WASHC2A: variants seen among roughly 807,000 people sequenced by gnomAD.
The protein encoded by WASHC2A is WASH complex subunit 2A.
Under a neutral mutation model 140.3 loss-of-function variants are expected in WASHC2A, and 82 were observed. That is an observed-to-expected ratio of 0.58 (90% confidence interval 0.49 to 0.70). The LOEUF (loss-of-function observed/expected upper bound fraction) is 0.70. Among genes scored for constraint, WASHC2A ranks in the 30% least tolerant of loss-of-function variants. WASHC2A has a pLI of 0.00. For missense variants in WASHC2A, 985 were observed against 1,521.8 expected, an observed-to-expected ratio of 0.65 and a Z score of 5.87; for synonymous variants, 340 against 560.8, an observed-to-expected ratio of 0.61 and a Z score of 5.56.
At chr10:50,103,517 A>G (rs1403915341) in intron 17 of WASHC2A, among the ~76,000 whole-genome samples, 3 of 151,990 alleles carry the variant, frequency 2.0e-5, no homozygotes, top group Non-Finnish European at 4.4e-5. Flanking sequence ...CCGAGATTGC[A>G]CCACTGCACT....
chr10:50,089,782 G>A (rs1373420952), intron 8 of WASHC2A, among the ~76,000 whole-genome samples: 1 of 151,986 alleles, frequency 6.6e-6, no homozygotes, highest in East Asian at 1.9e-4. Context: ...CTATGCTGAT[G>A]ATGTTTATAT....
intron 16 of WASHC2A, among the ~76,000 whole-genome samples, chr10:50,098,433 A>T (rs1267076399): frequency 7.2e-6 from 1 of 139,340 alleles, no homozygotes; most frequent in South Asian, 2.5e-4. Context: ...TCACATGCAC[A>T]GTTCACAATA....
rs1843925037 is a variant in WASHC2A, at chr10:50,131,072, G to A, written c.3880G>A (p.Asp1294Asn). Residue 1294 changes from aspartate (D) to asparagine (N), a missense_variant, in exon 30 of 31, where the codon GAT becomes AAT. By Grantham distance (23) the Asp-to-Asn change is conservative. Transcript: ENST00000282633. The stretch of plus-strand genomic sequence containing the variant: ...GGAAGCCAAGTCTATATTTGATGAT[G>A]ATATGGGTAAGTTTGGTTTTCTACA... ...KVEAKSIFDD[D>N]MDDIFSSGIQ... 1 of 1,611,782 alleles carries A rather than the reference G, an allele frequency of 6.2e-7. No homozygotes were observed. The highest frequency in any genetic ancestry group is 1.1e-5 in the South Asian group (1 of 90,968).
intron 3 of WASHC2A, among the ~76,000 whole-genome samples, chr10:50,070,245 C>A (rs1287366312): frequency 6.6e-6 from 1 of 152,104 alleles, no homozygotes; most frequent in Non-Finnish European, 1.5e-5. Flanking sequence ...TTTACTGTTT[C>A]TTCTAGGTGG....
At chr10:50,129,053 T>C (rs1843693263) in intron 28 of WASHC2A, among the ~76,000 whole-genome samples, 1 of 152,114 alleles carries the variant, frequency 6.6e-6, no homozygotes. Flanking sequence ...GATACCCACG[T>C]TTCTATTGAG....
chr10:50,094,069 C>T (rs1240564557), intron 13 of WASHC2A, 152 bp downstream of exon 13: 1 of 1,237,412 alleles, frequency 8.1e-7, no homozygotes, highest in Non-Finnish European at 1.1e-6. Context: ...AGTAATTCAT[C>T]TTCACTAATT....
At chr10:50,092,614 G>A (rs1487397678) in intron 11 of WASHC2A, among the ~76,000 whole-genome samples, 10 of 151,962 alleles carry the variant, frequency 6.6e-5, no homozygotes, top group Non-Finnish European at 1.5e-5. Context: ...CCTTGATCGC[G>A]CCACTGCATT....
At chr10:50,132,598 T>C (rs1395563546) in intron 30 of WASHC2A, among the ~76,000 whole-genome samples, 1 of 152,198 alleles carries the variant, frequency 6.6e-6, no homozygotes, top group Non-Finnish European at 1.5e-5. Flanking sequence ...GAAGAAATTG[T>C]GCTCCAAGAG....
intron 8 of WASHC2A, among the ~76,000 whole-genome samples, chr10:50,088,958 C>CA (rs1392807675): frequency 9.7e-5 from 4 of 41,386 alleles, no homozygotes; most frequent in Non-Finnish European, 1.8e-4. Context: ...TTTTTCTTTC[C>CA]TTTTTTTTTT....
chr10:50,128,888 G>A (rs2258257), intron 28 of WASHC2A, among the ~76,000 whole-genome samples: 42,363 of 148,430 alleles, frequency 0.29, 6,898 homozygotes, highest in Middle Eastern at 0.41. Context: ...AATATTTAAC[G>A]TTTGAATTCA....
intron 20 of WASHC2A, among the ~76,000 whole-genome samples, chr10:50,111,817 C>A (rs1842312007): frequency 6.6e-6 from 1 of 152,154 alleles, no homozygotes; most frequent in Non-Finnish European, 1.5e-5. Flanking sequence ...ATCACGAGGT[C>A]AGGAGTTGAA....
At chr10:50,090,331 A>G (rs1274605912) in intron 8 of WASHC2A, among the ~76,000 whole-genome samples, 2 of 149,296 alleles carry the variant, frequency 1.3e-5, no homozygotes, top group Non-Finnish European at 3.0e-5. Flanking sequence ...GTGAAACTCC[A>G]TCTCTACTAA....
intron 23 of WASHC2A, among the ~76,000 whole-genome samples, chr10:50,121,033 C>T (rs1320074020): frequency 6.8e-6 from 1 of 147,398 alleles, no homozygotes; most frequent in Non-Finnish European, 1.5e-5. Context: ...CAGCTGACAT[C>T]ATACTTAATG....
At chr10:50,097,587 C>A in intron 15 of WASHC2A, 88 bp from the exon 16 acceptor site, 3 of 983,622 alleles carry the variant, frequency 3.0e-6, no homozygotes, top group Non-Finnish European at 4.4e-6. Context: ...TATGTTTATT[C>A]TTTGGGAGGG....
intron 21 of WASHC2A, among the ~76,000 whole-genome samples, chr10:50,116,115 CAAA>C (rs1238566392): frequency 6.8e-5 from 3 of 44,338 alleles, no homozygotes; most frequent in Admixed American, 2.9e-4. Context: ...GACTCCATCT[CAAA>C]AAAAAAAAAA....
At chr10:50,071,973 A>G (rs1554876388) in intron 3 of WASHC2A, among the ~76,000 whole-genome samples, 1 of 132,308 alleles carries the variant, frequency 7.6e-6, no homozygotes, top group Non-Finnish European at 1.6e-5. Flanking sequence ...CAGTGACACC[A>G]TCTCGGCTCA....
intron 23 of WASHC2A, among the ~76,000 whole-genome samples, chr10:50,124,541 G>A (rs1255440807): frequency 1.3e-5 from 2 of 152,146 alleles, no homozygotes; most frequent in East Asian, 1.9e-4. Context: ...AAACAAAAAG[G>A]GACTCACTCG....
chr10:50,087,313 A>G lies in WASHC2A; in HGVS notation c.723A>G (p.Glu241=). 1 of 1,613,956 alleles carries G rather than the reference A, an allele frequency of 6.2e-7. No individual in the cohort carries two copies. The highest frequency in any genetic ancestry group is 8.5e-7 in the Non-Finnish European group (1 of 1,179,854). ...DEDFAHHSDN[E]QNRHTTQMSD... ...ATTTTGCCCATCATAGTGACAATGA[A>G]CAAAACCGGGTAAGGCTCATATATT... The change falls in exon 8 of 31, where the codon GAA becomes GAG. Residue 241 remains glutamate, a synonymous_variant. Coordinates refer to ENST00000282633, the MANE Select transcript of WASHC2A (RefSeq NM_001005751.3).
intron 3 of WASHC2A, among the ~76,000 whole-genome samples, chr10:50,076,163 T>A (rs1366543199): frequency 6.6e-6 from 1 of 152,110 alleles, no homozygotes; most frequent in Non-Finnish European, 1.5e-5. Flanking sequence ...TGACCGCAGG[T>A]GATCCCAAAG....
Sources: allele counts gnomAD v4.1 joint callset (sites outside exome capture counted in the v4.1 genomes callset), GRCh38; gene constraint gnomAD v4.1.1; transcripts MANE v1.5; gene names NCBI Gene and HGNC (gene_info 2026-07-23, HGNC 2026-07-21).